The following ANKS1A variants were observed in gnomAD, a reference collection of about 807,000 sequenced individuals.
ANKS1A encodes the protein ankyrin repeat and SAM domain-containing protein 1A.
Under a neutral mutation model 120.3 loss-of-function variants are expected in ANKS1A, and 55 were observed. The observed-to-expected ratio is 0.46, with a 90% CI of 0.37 to 0.57. The LOEUF is 0.57. ANKS1A is among the 20% of genes least tolerant of loss of function. The pLI, the probability that ANKS1A is intolerant of heterozygous loss-of-function variation, is 0.00. For missense variants in ANKS1A, 1,123 were observed against 1,480.3 expected, an observed-to-expected ratio of 0.76 and a Z score of 3.96; for synonymous variants, 590 against 604.7, an observed-to-expected ratio of 0.98 and a Z score of 0.36.
At chr6:34,955,377 T>C (rs1770308410) in intron 1 of ANKS1A, among the ~76,000 whole-genome samples, 1 of 152,206 alleles carries the variant, frequency 6.6e-6, no homozygotes, top group South Asian at 2.1e-4. Context: ...CCTCAGGTGA[T>C]CCGTCCACCT....
chr6:35,016,559 G>A lies in ANKS1A; in HGVS notation c.1424-914G>A, dbSNP rs570188648. Among the ~76,000 whole-genome samples the A allele has an allele frequency of 3.3e-5, 5 of 152,258 alleles. No homozygotes were observed. In the South Asian group the frequency reaches 6.2e-4, roughly 19 times the overall value. ...CCAATTATTTATGCTACTTCAGGGC[G>A]AGGTATTTGAGTGTACAGTAGTAGC... On this transcript the variant is annotated intron_variant, in intron 10 of 23. Coordinates refer to ENST00000360359, the MANE Select transcript of ANKS1A (RefSeq NM_015245.3).
chr6:35,061,051 C>T (rs776351915), intron 13 of ANKS1A, among the ~76,000 whole-genome samples: 2 of 152,188 alleles, frequency 1.3e-5, no homozygotes, highest in Non-Finnish European at 2.9e-5. Flanking sequence ...TTCTCACTAG[C>T]GCTTACTGTG....
Position 35,086,220 on chromosome 6 carries a change from C to T in ANKS1A, c.3303+284C>T, listed in dbSNP as rs747406487. 7.3e-7 allele frequency: 1 copy of T among 1,363,010 alleles called. No homozygotes were observed. Among genetic ancestry groups the T allele is most frequent in the Non-Finnish European group, 9.8e-7 (1 of 1,025,286 alleles). 84.4% of individuals were successfully genotyped at this position (1,363,010 alleles called of 1,614,324 possible). A position where few individuals can be genotyped will look rare whatever the true frequency, so the allele number is the denominator to read the frequency against. On this transcript the variant is annotated intron_variant, in intron 22 of 23. Coordinates refer to ENST00000360359, the MANE Select transcript of ANKS1A (RefSeq NM_015245.3). This position sits in a 1 kb window ranked among gnomAD's most constrained non-coding sequence, Gnocchi z 5.1. The stretch of plus-strand genomic sequence containing the variant: ...CAGAGAGCGGCCTGCAGGCAGCCCC[C>T]AGTAACTGCGCCATCCCTGTGTCTG...
intron 2 of ANKS1A, 49 bp downstream of exon 2, chr6:34,967,368 C>T (rs1286424038): frequency 6.4e-7 from 1 of 1,574,336 alleles, no homozygotes; most frequent in Admixed American, 1.8e-5. Flanking sequence ...AGAACCCAGG[C>T]CTTCACGTTG....
chr6:34,925,401 G>A (rs999759726), intron 1 of ANKS1A, among the ~76,000 whole-genome samples: 2 of 152,210 alleles, frequency 1.3e-5, no homozygotes, highest in African/African-American at 4.8e-5. Context: ...CTGGCTGTGA[G>A]CAGCAAATGA....
chr6:35,045,870 A>G (rs547749348), intron 11 of ANKS1A, among the ~76,000 whole-genome samples: 1 of 152,236 alleles, frequency 6.6e-6, no homozygotes, highest in East Asian at 1.9e-4. Flanking sequence ...GCAAGTCTTG[A>G]GTTTTCACAT....
intron 1 of ANKS1A, among the ~76,000 whole-genome samples, chr6:34,899,842 A>G (rs1767261563): frequency 1.3e-5 from 2 of 152,214 alleles, no homozygotes; most frequent in East Asian, 1.9e-4. Flanking sequence ...TTTGTCCTCA[A>G]TGGGGCCAGC....
rs147893904 is a variant in ANKS1A at position 34,918,773 on chromosome 6, G to A, written c.197+29174G>A. 5.5e-3 allele frequency among the ~76,000 whole-genome samples: 839 copies of A among 152,090 alleles called. 4 individuals are homozygous for A. Among genetic ancestry groups the A allele is most frequent in the African/African-American group, 0.016 (660 of 41,484 alleles). On this transcript the variant is annotated intron_variant, in intron 1 of 23. Transcript: ENST00000360359. ...ACACACATGAAATTTTTTTTTTAAC[G>A]GAACACCATGTAACTATAGCATATT...
chr6:35,000,724 A>G (rs996679764), intron 10 of ANKS1A, among the ~76,000 whole-genome samples: 1 of 152,184 alleles, frequency 6.6e-6, no homozygotes, highest in Non-Finnish European at 1.5e-5. Flanking sequence ...GAGTACTATT[A>G]AAGAAACAGT....
intron 2 of ANKS1A, among the ~76,000 whole-genome samples, chr6:34,968,152 TG>T (rs1266436193): frequency 1.3e-5 from 2 of 152,196 alleles, no homozygotes; most frequent in Non-Finnish European, 2.9e-5. Flanking sequence ...AAATGGCCTA[TG>T]TAATTCTCCT....
chr6:35,088,848 G>T lies in ANKS1A; in HGVS notation c.*239G>T. The T allele has an allele frequency of 6.9e-7, 1 of 1,448,780 alleles. No individual in the cohort carries two copies. Among genetic ancestry groups the T allele is most frequent in the Non-Finnish European group, 9.0e-7 (1 of 1,105,946 alleles). The allele number at this position is 1,448,780 out of a possible 1,614,324, so 89.7% of individuals were successfully genotyped here. ...GCAGATGGGACTGGCATTCCAGAGGGTCAAGAAGTGACTTGTTCAGAACAC... is the reference window on the plus strand; with the variant it reads ...GCAGATGGGACTGGCATTCCAGAGGTTCAAGAAGTGACTTGTTCAGAACAC... On this transcript the variant is annotated 3_prime_UTR_variant, in exon 24 of 24. Coordinates refer to ENST00000360359, the MANE Select transcript of ANKS1A (RefSeq NM_015245.3).
intron 13 of ANKS1A, among the ~76,000 whole-genome samples, chr6:35,072,214 C>T (rs1561956037): frequency 6.6e-6 from 1 of 152,248 alleles, no homozygotes; most frequent in Non-Finnish European, 1.5e-5. Context: ...GTGGGTCCTG[C>T]AGTAGCCCCT....
rs2127619217 is a variant in ANKS1A, at chr6:35,088,944, T to C, written c.*335T>C. On this transcript the variant is annotated 3_prime_UTR_variant, in exon 24 of 24. Coordinates refer to ENST00000360359, the MANE Select transcript of ANKS1A (RefSeq NM_015245.3). ...ACACTTGGCTCAAACCTCTAGGTCA[T>C]ACTGCCAATCTTTAGACAAATGGCC... The C allele has an allele frequency of 7.8e-6, 10 of 1,279,604 alleles. No homozygotes were observed. In the South Asian group the frequency reaches 1.7e-4, roughly 22 times the overall value. The allele number at this position is 1,279,604 out of a possible 1,614,324, so 79.3% of individuals were successfully genotyped here. A position where few individuals can be genotyped will look rare whatever the true frequency, so the allele number is the denominator to read the frequency against.
chr6:34,999,147 A>G (rs1456883604), intron 10 of ANKS1A, among the ~76,000 whole-genome samples: 1 of 152,222 alleles, frequency 6.6e-6, no homozygotes, highest in Non-Finnish European at 1.5e-5. Context: ...GAGTGGAAGC[A>G]TGGCCTGATC....
intron 11 of ANKS1A, among the ~76,000 whole-genome samples, chr6:35,035,819 A>G (rs925401084): frequency 6.6e-5 from 10 of 152,206 alleles, no homozygotes; most frequent in African/African-American, 1.4e-4. Context: ...GTGGCAGGCC[A>G]GTGCTTGTTG....
intron 9 of ANKS1A, among the ~76,000 whole-genome samples, chr6:34,989,887 A>G (rs142769714): frequency 3.9e-4 from 59 of 152,362 alleles, no homozygotes; most frequent in Middle Eastern, 3.4e-3. Context: ...AGGAAATGTC[A>G]TCATGAGGCA....
chr6:35,048,964 C>T (rs892280918), intron 11 of ANKS1A, among the ~76,000 whole-genome samples: 5 of 152,308 alleles, frequency 3.3e-5, no homozygotes, highest in South Asian at 4.1e-4. Context: ...GAAGCAGGTT[C>T]GGCTGCCAGT....
chr6:34,989,280 C>T lies in ANKS1A; in HGVS notation c.1266C>T (p.His422=), dbSNP rs750060533. The T allele has an allele frequency of 6.2e-7, 1 of 1,614,100 alleles. No individual in the cohort carries two copies. The highest frequency in any genetic ancestry group is 2.2e-5 in the East Asian group (1 of 44,882). The part of the protein sequence containing the change: ...KPPPDEEEED[H]IDKKYFPLTA... ...CGCCCGATGAAGAGGAAGAAGACCA[C>T]ATAGATAAGAAGTATTTTCCCTTGA... Residue 422 remains histidine, a synonymous_variant, in exon 9 of 24, where the codon CAC becomes CAT. Transcript: ENST00000360359.
intron 11 of ANKS1A, among the ~76,000 whole-genome samples, chr6:35,028,365 C>T (rs1774733608): frequency 6.6e-6 from 1 of 151,112 alleles, no homozygotes; most frequent in Non-Finnish European, 1.5e-5. Flanking sequence ...ATCTCCCAGC[C>T]TCAAGGTCAT....
Sources: allele counts gnomAD v4.1 joint callset (sites outside exome capture counted in the v4.1 genomes callset), GRCh38; gene constraint gnomAD v4.1.1; non-coding constraint Gnocchi (gnomAD v3.1); transcripts MANE v1.5; gene names NCBI Gene and HGNC (gene_info 2026-07-23, HGNC 2026-07-21).